PCDH15: variants seen among roughly 807,000 people sequenced by gnomAD.
PCDH15 encodes the protein protocadherin related 15.
A neutral mutation model predicts 178.5 loss-of-function variants in PCDH15; 129 were observed. That is an observed-to-expected ratio of 0.72 (90% confidence interval 0.63 to 0.84). The LOEUF is 0.84. Among genes scored for constraint, PCDH15 ranks in the 40% least tolerant of loss-of-function variants. The pLI is 0.00. For synonymous variants in PCDH15, 800 were observed against 732.0 expected, an observed-to-expected ratio of 1.09 and a Z score of -1.50; for missense variants, 2,230 against 2,099.9, an observed-to-expected ratio of 1.06 and a Z score of -1.21.
intron 2 of PCDH15, among the ~76,000 whole-genome samples, chr10:54,941,355 C>T (rs549287864): frequency 5.7e-4 from 86 of 152,114 alleles, no homozygotes; most frequent in Middle Eastern, 6.8e-3. Context: ...GATTATTTTA[C>T]TTCAAATCTG....
intron 2 of PCDH15, among the ~76,000 whole-genome samples, chr10:55,392,507 T>C (rs776238938): frequency 5.3e-5 from 8 of 152,158 alleles, no homozygotes; most frequent in Admixed American, 1.3e-4. Flanking sequence ...TTCCACAGTA[T>C]AGTTGGTCCT....
chr10:55,622,525 CT>C lies in PCDH15; in HGVS notation c.-156+5099del, dbSNP rs527700064. On this transcript the variant is annotated intron_variant, in intron 2 of 5. Coordinates refer to the PCDH15 transcript ENST00000613346. ...AGGCCAATATTTCTATTTTACCCAA[CT>C]TTACTCAGCTGTAGGATGCAGTCCA... Among the ~76,000 whole-genome samples, 733 of 152,140 alleles carry C rather than the reference CT, an allele frequency of 4.8e-3. 1 individual carries two copies. Among genetic ancestry groups the C allele is most frequent in the African/African-American group, 0.015 (641 of 41,494 alleles).
At chr10:54,744,424 A>C (rs1016424854) in intron 1 of PCDH15, among the ~76,000 whole-genome samples, 2 of 152,154 alleles carry the variant, frequency 1.3e-5, no homozygotes, top group African/African-American at 2.4e-5. Flanking sequence ...TAGTACACAT[A>C]CATATACAAA....
chr10:54,028,801 G>T (rs1408767028), intron 18 of PCDH15, among the ~76,000 whole-genome samples: 1 of 142,230 alleles, frequency 7.0e-6, no homozygotes, highest in African/African-American at 2.6e-5. Context: ...GGTGGGGGGA[G>T]GGGGGAGGGA....
At chr10:54,981,766 C>G (rs572629816) in intron 2 of PCDH15, among the ~76,000 whole-genome samples, 1 of 151,802 alleles carries the variant, frequency 6.6e-6, no homozygotes, top group African/African-American at 2.4e-5. Context: ...TTCCTGGAAC[C>G]CCCCACCTCC....
intron 20 of PCDH15, among the ~76,000 whole-genome samples, chr10:54,000,461 A>T (rs566934230): frequency 6.6e-6 from 1 of 152,272 alleles, no homozygotes; most frequent in South Asian, 2.1e-4. Context: ...TTAGAATTCT[A>T]TCAGATACAT....
At chr10:55,383,167 AG>A (rs1837577462) in intron 2 of PCDH15, among the ~76,000 whole-genome samples, 1 of 152,086 alleles carries the variant, frequency 6.6e-6, no homozygotes, top group African/African-American at 2.4e-5. Flanking sequence ...TATGGGAAGA[AG>A]GGGATCTTTT....
At chr10:53,939,133 A>G (rs2085834056) in intron 24 of PCDH15, among the ~76,000 whole-genome samples, 178 bp from the exon 25 acceptor site, 1 of 152,172 alleles carries the variant, frequency 6.6e-6, no homozygotes, top group Non-Finnish European at 1.5e-5. Context: ...AATGATCAAC[A>G]TCAATACTTC....
At position 55,087,430 on chromosome 10, in the gene PCDH15, A is replaced by G. The variant is rs865914450; in HGVS notation, c.-80+79146T>C. The stretch of plus-strand genomic sequence containing the variant: ...GTGAAATGTTTGGCTGATAAGCCAG[A>G]TAAGTTCTGCTTAGACATACCAGGT... On this transcript the variant is annotated intron_variant, in intron 2 of 5. Transcript: ENST00000458638. Among the ~76,000 whole-genome samples the G allele has an allele frequency of 2.0e-4, 30 of 152,340 alleles. 1 individual carries two copies. Among genetic ancestry groups the G allele is most frequent in the Middle Eastern group, 6.8e-3 (2 of 294 alleles).
At chr10:54,911,839 G>A (rs1954823930) in intron 2 of PCDH15, among the ~76,000 whole-genome samples, 2 of 152,152 alleles carry the variant, frequency 1.3e-5, no homozygotes, top group South Asian at 2.1e-4. Flanking sequence ...CTTCTGTCAT[G>A]ATTATAAGTT....
intron 25 of PCDH15, among the ~76,000 whole-genome samples, chr10:53,926,697 G>A (rs559973017): frequency 2.6e-5 from 4 of 152,204 alleles, no homozygotes; most frequent in South Asian, 2.1e-4. Context: ...CTGTGTCAAG[G>A]GCCATGGTCA....
chr10:54,743,996 G>A (rs1177187331), intron 1 of PCDH15, among the ~76,000 whole-genome samples: 3 of 152,018 alleles, frequency 2.0e-5, no homozygotes, highest in Non-Finnish European at 4.4e-5. Flanking sequence ...TCACACTTGA[G>A]CTTAATCACT....
chr10:54,508,229 C>T (rs1300197897), intron 3 of PCDH15, among the ~76,000 whole-genome samples: 1 of 151,924 alleles, frequency 6.6e-6, no homozygotes. Flanking sequence ...CATCAAAAAC[C>T]TTAGCCAGCA....
intron 8 of PCDH15, among the ~76,000 whole-genome samples, chr10:54,240,505 G>C (rs574812382): frequency 6.6e-6 from 1 of 151,504 alleles, no homozygotes; most frequent in Admixed American, 6.6e-5. Flanking sequence ...TCAGTTCTCT[G>C]ACTTTAAACC....
chr10:55,200,095 C>T (rs2132157529), intron 1 of PCDH15, among the ~76,000 whole-genome samples: 1 of 152,180 alleles, frequency 6.6e-6, no homozygotes, highest in Non-Finnish European at 1.5e-5. Context: ...GGCTACCATC[C>T]TCTAGACTCA....
intron 1 of PCDH15, among the ~76,000 whole-genome samples, chr10:55,258,246 A>T (rs1842054204): frequency 6.6e-6 from 1 of 152,186 alleles, no homozygotes; most frequent in East Asian, 1.9e-4. Flanking sequence ...AGACAAATGG[A>T]GATTACTGAT....
At chr10:54,133,915 A>G (rs534225394) in intron 14 of PCDH15, among the ~76,000 whole-genome samples, 1 of 88,994 alleles carries the variant, frequency 1.1e-5, no homozygotes, top group African/African-American at 3.3e-5. Flanking sequence ...ACACACACAC[A>G]TACATATAAC....
chr10:54,299,653 G>A (rs2060029410), intron 8 of PCDH15, among the ~76,000 whole-genome samples: 1 of 152,148 alleles, frequency 6.6e-6, no homozygotes, highest in Non-Finnish European at 1.5e-5. Flanking sequence ...AGATCTAGGA[G>A]GAACTCCCTT....
chr10:54,562,967 C>G (rs1407290254), intron 2 of PCDH15, among the ~76,000 whole-genome samples: 14 of 152,022 alleles, frequency 9.2e-5, no homozygotes, highest in Non-Finnish European at 2.9e-5. Flanking sequence ...TGGACTTAAC[C>G]TTTTAGGAGC....
Sources: allele counts gnomAD v4.1 joint callset (sites outside exome capture counted in the v4.1 genomes callset), GRCh38; gene constraint gnomAD v4.1.1; transcripts MANE v1.5; gene names NCBI Gene and HGNC (gene_info 2026-07-23, HGNC 2026-07-21).